MALRD1: variants seen among roughly 807,000 people sequenced by gnomAD.
MALRD1 encodes MAM and LDL-receptor class A domain-containing protein 1.
Under a neutral mutation model 242.1 loss-of-function variants are expected in MALRD1, and 247 were observed. That is an observed-to-expected ratio of 1.02 (90% CI 0.92 to 1.13). The LOEUF is 1.13. Among genes scored for constraint, MALRD1 ranks in the 50% most tolerant of loss-of-function variants. MALRD1 has a pLI of 0.00. For synonymous variants in MALRD1, 995 were observed against 866.6 expected, an observed-to-expected ratio of 1.15 and a Z score of -2.60; for missense variants, 2,989 against 2,533.1, an observed-to-expected ratio of 1.18 and a Z score of -3.86.
intron 26 of MALRD1, among the ~76,000 whole-genome samples, chr10:19,360,046 G>A (rs192224322): frequency 2.3e-3 from 351 of 151,992 alleles, no homozygotes; most frequent in African/African-American, 8.1e-3. Flanking sequence ...TTTACATAAT[G>A]GGAAATTTAA....
At position 19,485,659 on chromosome 10, in the gene MALRD1, A is replaced by AAT. The variant is rs1554782296; in HGVS notation, c.5030-5858_5030-5857insAT. ...CTCCGTCTCAATTAAAAAAAAAAAA[A>AAT]TAGTAATAATAATAAAATAGATCAG... On this transcript the variant is annotated intron_variant, in intron 29 of 39. Coordinates refer to ENST00000454679, the MANE Select transcript of MALRD1 (RefSeq NM_001142308.3). Among the ~76,000 whole-genome samples the AAT allele has an allele frequency of 1.0e-3, 153 of 151,194 alleles. 1 individual carries two copies. Among genetic ancestry groups the AAT allele is most frequent in the African/African-American group, 3.5e-3 (146 of 41,298 alleles).
chr10:19,399,054 A>G (rs139692047), intron 28 of MALRD1, among the ~76,000 whole-genome samples: 21 of 152,282 alleles, frequency 1.4e-4, no homozygotes, highest in African/African-American at 5.1e-4. Context: ...GTAGTCATAG[A>G]CATTGTCATC....
At chr10:19,474,244 A>G (rs1457084079) in intron 29 of MALRD1, among the ~76,000 whole-genome samples, 3 of 152,118 alleles carry the variant, frequency 2.0e-5, no homozygotes, top group Admixed American at 6.6e-5. Context: ...AAAGAGATGA[A>G]TGTGAAGAGT....
At chr10:19,681,220 A>G (rs180896085) in intron 36 of MALRD1, among the ~76,000 whole-genome samples, 2 of 152,252 alleles carry the variant, frequency 1.3e-5, no homozygotes, top group Admixed American at 6.5e-5. Flanking sequence ...AGGTTCGGGA[A>G]GTTCTCCTGG....
intron 21 of MALRD1, among the ~76,000 whole-genome samples, chr10:19,299,321 T>C (rs945091530): frequency 4.6e-5 from 7 of 151,740 alleles, no homozygotes; most frequent in African/African-American, 1.7e-4. Context: ...AAATACAAAG[T>C]AAAGGGGTGG....
At chr10:19,209,143 T>C in intron 17 of MALRD1, 125 bp from the exon 18 acceptor site, 1 of 835,914 alleles carries the variant, frequency 1.2e-6, no homozygotes, top group Non-Finnish European at 1.7e-6. Context: ...ATTTTAAAAA[T>C]AAAATGGCTT....
At chr10:19,208,974 C>T (rs981741723) in intron 17 of MALRD1, among the ~76,000 whole-genome samples, 4 of 151,896 alleles carry the variant, frequency 2.6e-5, no homozygotes, top group African/African-American at 9.7e-5. Flanking sequence ...TGATCATGTG[C>T]CTGGAGTTAT....
Position 19,606,590 on chromosome 10 carries a change from G to C in MALRD1, c.5945-1187G>C, listed in dbSNP as rs73595858. On this transcript the variant is annotated intron_variant, in intron 34 of 39. Transcript: ENST00000454679. ...ACTTTCTGACAAAATGGTGCAGTAG[G>C]TTCATGCTTTGACACATTCCCTCTG... Among the ~76,000 whole-genome samples the C allele has an allele frequency of 2.9e-3, 445 of 152,178 alleles. 4 individuals carry two copies. The highest frequency in any genetic ancestry group is 0.01 in the African/African-American group (423 of 41,540).
intron 33 of MALRD1, among the ~76,000 whole-genome samples, chr10:19,572,925 C>T (rs532614594): frequency 1.3e-5 from 2 of 152,336 alleles, no homozygotes; most frequent in South Asian, 2.1e-4. Flanking sequence ...TGAATTCAGA[C>T]TTCTGGCCTC....
chr10:19,436,905 T>C, intron 28 of MALRD1, among the ~76,000 whole-genome samples: 1 of 152,184 alleles, frequency 6.6e-6, no homozygotes, highest in African/African-American at 2.4e-5. Context: ...AAATCCCCTG[T>C]TGCTCACCTA....
At chr10:19,237,804 T>A (rs1280090708) in intron 18 of MALRD1, among the ~76,000 whole-genome samples, 7 of 123,748 alleles carry the variant, frequency 5.7e-5, no homozygotes, top group Non-Finnish European at 1.6e-5. Context: ...TATATAATTA[T>A]AATTATATAG....
At chr10:19,650,965 C>T (rs1176177928) in intron 36 of MALRD1, among the ~76,000 whole-genome samples, 1 of 152,126 alleles carries the variant, frequency 6.6e-6, no homozygotes, top group Non-Finnish European at 1.5e-5. Flanking sequence ...GGAGTGGTTT[C>T]CAAACCCACT....
chr10:19,607,667 AAATC>A, intron 34 of MALRD1, 106 bp from the exon 35 acceptor site: 1 of 1,323,968 alleles, frequency 7.6e-7, no homozygotes, highest in Non-Finnish European at 9.9e-7. Context: ...AGACTAGAAA[AAATC>A]AAGAGTAATA....
intron 18 of MALRD1, among the ~76,000 whole-genome samples, chr10:19,243,943 A>C (rs1838924262): frequency 6.6e-6 from 1 of 152,158 alleles, no homozygotes; most frequent in Non-Finnish European, 1.5e-5. Context: ...TATGAAAGTA[A>C]GGATTTGAGA....
At position 19,233,013 on chromosome 10, in the gene MALRD1, A is replaced by C. The variant is rs187763873; in HGVS notation, c.2991+23333A>C. On this transcript the variant is annotated intron_variant, in intron 18 of 39. Coordinates refer to ENST00000454679, the MANE Select transcript of MALRD1 (RefSeq NM_001142308.3). ...GAGGAAGAATGATTTTATTTAAATA[A>C]GGTTGCTTAATTAAAAAACAATTTT... Among the ~76,000 whole-genome samples the C allele has an allele frequency of 5.1e-4, 78 of 152,320 alleles. 2 individuals carry two copies. In the East Asian group the frequency reaches 0.014, roughly 27 times the overall value.
At chr10:19,394,461 G>A (rs1305301467) in intron 28 of MALRD1, among the ~76,000 whole-genome samples, 1 of 152,144 alleles carries the variant, frequency 6.6e-6, no homozygotes, top group African/African-American at 2.4e-5. Context: ...AAGAGGCTGT[G>A]GAAAATGTCA....
chr10:19,415,000 G>C (rs906527907), intron 28 of MALRD1, among the ~76,000 whole-genome samples: 1 of 151,940 alleles, frequency 6.6e-6, no homozygotes, highest in Non-Finnish European at 1.5e-5. Context: ...CTTTTTTTCT[G>C]TAGAAATAAT....
chr10:19,632,170 C>T (rs895020054), intron 36 of MALRD1, among the ~76,000 whole-genome samples: 1 of 152,082 alleles, frequency 6.6e-6, no homozygotes, highest in Non-Finnish European at 1.5e-5. Flanking sequence ...AGGAGTAGAC[C>T]TTGGTTAACT....
chr10:19,674,069 GA>G (rs1229118758), intron 36 of MALRD1, among the ~76,000 whole-genome samples: 22 of 152,234 alleles, frequency 1.4e-4, no homozygotes, highest in African/African-American at 4.6e-4. Flanking sequence ...ACATCTCTGA[GA>G]GGGTATAATT....
Sources: allele counts gnomAD v4.1 joint callset (sites outside exome capture counted in the v4.1 genomes callset), GRCh38; gene constraint gnomAD v4.1.1; transcripts MANE v1.5; gene names NCBI Gene and HGNC (gene_info 2026-07-23, HGNC 2026-07-21).